The following PAQR3 variants were observed in gnomAD, a reference collection of about 807,000 sequenced individuals.
The protein encoded by PAQR3 is Raf kinase trapping to Golgi.
A neutral mutation model predicts 41.7 loss-of-function variants in PAQR3; 39 were observed. The observed-to-expected ratio is 0.93, with a 90% confidence interval of 0.72 to 1.22. The LOEUF (loss-of-function observed/expected upper bound fraction) is 1.22. Among genes scored for constraint, PAQR3 ranks in the 50% most tolerant of loss-of-function variants. PAQR3 has a pLI of 0.00. For missense variants in PAQR3, 366 were observed against 385.6 expected (o/e 0.95, Z 0.42); for synonymous variants, 140 against 140.6 (o/e 1.00, Z 0.03).
In PAQR3 at chr4:78,918,724, T is replaced by C. The variant is rs886530455; in HGVS notation, c.*1815A>G. Reference sequence around the variant, plus strand: ...GTTTTTTTATTTTGAGAAAGTTTTATAATAAAAATGGCTCCACACCTAAAA... The same window carrying C: ...GTTTTTTTATTTTGAGAAAGTTTTACAATAAAAATGGCTCCACACCTAAAA... On this transcript the variant is annotated 3_prime_UTR_variant, in exon 6 of 6. Transcript: ENST00000512733. The C allele has an allele frequency of 1.0e-6, 1 of 972,154 alleles. No homozygotes were observed. The highest frequency in any genetic ancestry group is 1.8e-5 in the African/African-American group (1 of 56,840). The allele number at this position is 972,154 out of a possible 1,614,324, so 60.2% of individuals were successfully genotyped here. A position where few individuals can be genotyped will look rare whatever the true frequency, so the allele number is the denominator to read the frequency against.
At chr4:78,928,798 T>C (rs561969316) in intron 3 of PAQR3, among the ~76,000 whole-genome samples, 44 of 152,214 alleles carry the variant, frequency 2.9e-4, no homozygotes, top group Non-Finnish European at 5.0e-4. Flanking sequence ...TATTATTACA[T>C]TGTAATATAT....
At chr4:78,887,408 C>G in intron 12 of PAQR3, 1 of 724,330 alleles carries the variant, frequency 1.4e-6, no homozygotes, top group Non-Finnish European at 2.4e-6. Flanking sequence ...AATATTTTAA[C>G]CTTTAGCCAT....
At chr4:78,903,711 C>A (rs1332426493) in intron 11 of PAQR3, among the ~76,000 whole-genome samples, 1 of 151,876 alleles carries the variant, frequency 6.6e-6, no homozygotes, top group East Asian at 1.9e-4. Flanking sequence ...ATTTTTAATA[C>A]AGGGTACTCA....
At chr4:78,927,808 T>C (rs1261916018) in intron 3 of PAQR3, among the ~76,000 whole-genome samples, 2 of 152,250 alleles carry the variant, frequency 1.3e-5, no homozygotes, top group Admixed American at 6.5e-5. Context: ...GAGTTCTTAA[T>C]CTGGGCTCCA....
chr4:78,888,606 T>C (rs1307613626), intron 11 of PAQR3, among the ~76,000 whole-genome samples: 1 of 152,200 alleles, frequency 6.6e-6, no homozygotes, highest in African/African-American at 2.4e-5. Flanking sequence ...ATAGTAGAGT[T>C]AGGAGAACTG....
intron 5 of PAQR3, chr4:78,923,577 G>T (rs1735880419): frequency 7.3e-6 from 3 of 412,006 alleles, no homozygotes; most frequent in African/African-American, 6.2e-5. Context: ...AAAAGAAATA[G>T]TGCTTGGGAG....
At chr4:78,904,921 A>G (rs1011379775) in intron 11 of PAQR3, among the ~76,000 whole-genome samples, 5 of 151,918 alleles carry the variant, frequency 3.3e-5, no homozygotes, top group African/African-American at 1.2e-4. Flanking sequence ...GAATCTTTGA[A>G]AATTTGGTTC....
Position 78,889,165 on chromosome 4 carries a change from G to A in PAQR3, c.*837-1017C>T, listed in dbSNP as rs547071573. Among the ~76,000 whole-genome samples the A allele has an allele frequency of 2.1e-5, 3 of 146,154 alleles. No individual in the cohort carries two copies. In the Admixed American group the frequency reaches 2.1e-4, roughly 10 times the overall value. ...GAACCCGGGAGGCGGAGTTTGCAGT[G>A]AGCCGAGATCGTGCCAGTGCACTCC... On this transcript the variant is annotated intron_variant and NMD_transcript_variant, in intron 11 of 12. Transcript: ENST00000342820.
rs765659226 is a variant in PAQR3, at chr4:78,911,939, T to C, written c.*8600A>G. On this transcript the variant is annotated 3_prime_UTR_variant, in exon 6 of 6. Transcript: ENST00000512733. The stretch of plus-strand genomic sequence containing the variant: ...TTTGGTGCCGTGCCCTTTACAGAAC[T>C]TGTGGTGCAAAGCATCACTCCACAT... 3.7e-6 allele frequency: 6 copies of C among 1,614,022 alleles called. No individual in the cohort carries two copies. The highest frequency in any genetic ancestry group is 3.3e-5 in the Admixed American group (2 of 60,022).
intron 5 of PAQR3, chr4:78,921,982 T>C (rs1364454949): frequency 2.8e-5 from 28 of 984,032 alleles, no homozygotes; most frequent in Non-Finnish European, 3.4e-5. Flanking sequence ...TATTAAACAA[T>C]TGGTAACTCC....
At chr4:78,907,092 A>G (rs1254405928), downstream of PAQR3, among the ~76,000 whole-genome samples, 1 of 152,208 alleles carries the variant, frequency 6.6e-6, no homozygotes, top group Non-Finnish European at 1.5e-5. Context: ...GAAACAACCT[A>G]AATATTCTAT....
chr4:78,887,173 G>A, exon 13 of PAQR3: 1 of 1,582,252 alleles, frequency 6.3e-7, no homozygotes, highest in South Asian at 1.2e-5. Context: ...TATTTTTGCA[G>A]ATAGGCTCGA....
In PAQR3 at chr4:78,939,430, G is replaced by T; in HGVS notation, c.-206C>A. ...CCGCGGCGGACCCGGCAGCGTCGCA[G>T]CCTCCTCTGACGTCAGCGCGCCGCG... is the stretch of plus-strand genomic sequence containing the variant. On this transcript the variant is annotated 5_prime_UTR_variant, in exon 1 of 6. In the 5' UTR this introduces an upstream ATG that the reference lacks. Transcript: ENST00000512733. 4.1e-6 allele frequency: 1 copy of T among 242,738 alleles called. No homozygotes were observed. Among genetic ancestry groups the T allele is most frequent in the Non-Finnish European group, 7.5e-6 (1 of 134,020 alleles). 15.0% of individuals were successfully genotyped at this position (242,738 alleles called of 1,614,324 possible).
chr4:78,911,101 A>G, downstream of PAQR3: 1 of 1,613,982 alleles, frequency 6.2e-7, no homozygotes, highest in South Asian at 1.1e-5. Context: ...GGAGACTCCC[A>G]AACAGGAGTT....
Position 78,920,529 on chromosome 4 carries a change from C to T in PAQR3, c.*10G>A, listed in dbSNP as rs1735552838. ...TTAACAACTGAATTCACCAGGTGGC[C>T]ATACCTAATTCACAAATGTGAAACA... On this transcript the variant is annotated 3_prime_UTR_variant, in exon 6 of 6. Transcript: ENST00000512733. 6.2e-7 allele frequency: 1 copy of T among 1,603,952 alleles called. No individual in the cohort carries two copies. Among genetic ancestry groups the T allele is most frequent in the African/African-American group, 1.3e-5 (1 of 74,258 alleles).
downstream of PAQR3, chr4:78,910,538 A>C (rs577428868): frequency 8.2e-7 from 1 of 1,220,068 alleles, no homozygotes; most frequent in South Asian, 1.6e-5. Flanking sequence ...TGTGTAATAC[A>C]TATTAACATT....
chr4:78,910,593 T>C (rs1201239881), downstream of PAQR3: 3 of 1,488,452 alleles, frequency 2.0e-6, no homozygotes, highest in Middle Eastern at 3.6e-4. Flanking sequence ...TGTAATAATA[T>C]TTATTTGAAC....
rs1280725772 is a variant in PAQR3 at position 78,920,596 on chromosome 4, C to T, written c.879G>A (p.Val293=). The T allele has an allele frequency of 1.2e-6, 2 of 1,611,940 alleles. No homozygotes were observed. Among genetic ancestry groups the T allele is most frequent in the South Asian group, 1.1e-5 (1 of 90,972 alleles). Residue 293 remains valine, a synonymous_variant, in exon 6 of 6, where the codon GTG becomes GTA. Transcript: ENST00000512733. ...VMLYWWHQST[V]YVMQYRHSKP... ...TGCTATGTCTGTACTGCATGACATA[C>T]ACTGTTGACTGATGCCACCAATATA...
At chr4:78,894,910 CAG>C (rs1203705101) in intron 11 of PAQR3, among the ~76,000 whole-genome samples, 3 of 152,116 alleles carry the variant, frequency 2.0e-5, no homozygotes, top group Admixed American at 2.0e-4. Flanking sequence ...TGTTGTGTCT[CAG>C]GGAATAGGGA....
Sources: gnomAD v4.1 joint callset for allele counts (sites outside exome capture counted in the v4.1 genomes callset) on GRCh38, gnomAD v4.1.1 for gene constraint, MANE v1.5 for transcripts, NCBI Gene and HGNC (gene_info 2026-07-23, HGNC 2026-07-21) for gene names.